Variants in NR3C2 observed in about 807,000 individuals in gnomAD.
NR3C2 encodes mineralocorticoid receptor.
Under a neutral mutation model 86.4 loss-of-function variants are expected in NR3C2, and 15 were observed. That is an observed-to-expected ratio of 0.17 (90% CI 0.12 to 0.27). The LOEUF is 0.27. Among genes scored for constraint, NR3C2 ranks in the 10% least tolerant of loss-of-function variants. NR3C2 has a pLI of 1.00. For missense variants in NR3C2, 960 were observed against 1,195.6 expected (o/e 0.80, Z 2.91); for synonymous variants, 458 against 450.5 (o/e 1.02, Z -0.21).
chr4:148,198,897 G>A (rs978058697), intron 3 of NR3C2, among the ~76,000 whole-genome samples: 1 of 151,312 alleles, frequency 6.6e-6, no homozygotes, highest in Non-Finnish European at 1.5e-5. Context: ...TGGCTAACAC[G>A]GTGACACCCC....
intron 6 of NR3C2, among the ~76,000 whole-genome samples, chr4:148,136,828 G>A (rs6823544): frequency 0.47 from 71,600 of 151,828 alleles, 17,887 homozygotes; most frequent in East Asian, 0.71. Context: ...CCTGTCATCC[G>A]TCATTTGTCT....
At chr4:148,113,197 G>T (rs1162643501) in intron 8 of NR3C2, among the ~76,000 whole-genome samples, 1 of 152,136 alleles carries the variant, frequency 6.6e-6, no homozygotes, top group Non-Finnish European at 1.5e-5. Flanking sequence ...TCTCCTTTCT[G>T]TATTGACACA....
At chr4:148,414,755 T>C (rs1381506424) in intron 2 of NR3C2, among the ~76,000 whole-genome samples, 3 of 152,204 alleles carry the variant, frequency 2.0e-5, no homozygotes, top group African/African-American at 7.2e-5. Flanking sequence ...GTGATAATTA[T>C]TTTTCCTTTA....
intron 8 of NR3C2, among the ~76,000 whole-genome samples, chr4:148,108,486 T>C (rs1731904824): frequency 6.6e-6 from 1 of 152,190 alleles, no homozygotes; most frequent in African/African-American, 2.4e-5. Context: ...TACCACCAGA[T>C]TTCTGTTCCT....
intron 2 of NR3C2, among the ~76,000 whole-genome samples, chr4:148,296,658 G>C (rs1019212758): frequency 6.6e-6 from 1 of 151,698 alleles, no homozygotes; most frequent in Middle Eastern, 3.4e-3. Flanking sequence ...TAAAGACAGG[G>C]GAACTGAATC....
At chr4:148,215,023 T>C (rs1737458492) in intron 3 of NR3C2, among the ~76,000 whole-genome samples, 1 of 152,166 alleles carries the variant, frequency 6.6e-6, no homozygotes, top group African/African-American at 2.4e-5. Context: ...AAGGAGTACA[T>C]TCTCCACCGA....
At chr4:148,338,547 A>T (rs1291436371) in intron 2 of NR3C2, among the ~76,000 whole-genome samples, 5 of 152,172 alleles carry the variant, frequency 3.3e-5, no homozygotes, top group African/African-American at 9.7e-5. Flanking sequence ...TCAAAAATCA[A>T]ATGATTATAG....
chr4:148,290,194 G>A (rs1741733623), intron 2 of NR3C2, among the ~76,000 whole-genome samples: 1 of 152,092 alleles, frequency 6.6e-6, no homozygotes, highest in African/African-American at 2.4e-5. Context: ...ATACACAGAG[G>A]ATGCACATGG....
chr4:148,305,877 C>A (rs1467845727), intron 2 of NR3C2, among the ~76,000 whole-genome samples: 1 of 152,160 alleles, frequency 6.6e-6, no homozygotes, highest in Non-Finnish European at 1.5e-5. Flanking sequence ...CCTGGCTGTT[C>A]CAGCTGCATT....
At chr4:148,087,377 C>T (rs1280724125) in intron 8 of NR3C2, among the ~76,000 whole-genome samples, 3 of 152,122 alleles carry the variant, frequency 2.0e-5, no homozygotes, top group Non-Finnish European at 4.4e-5. Context: ...ACTTTCTTCA[C>T]AGAATTAGAA....
At chr4:148,216,297 AATG>A (rs1012269777) in intron 3 of NR3C2, among the ~76,000 whole-genome samples, 38 of 152,278 alleles carry the variant, frequency 2.5e-4, no homozygotes, top group African/African-American at 9.1e-4. Flanking sequence ...GATCTAGGAT[AATG>A]ACCAAAGAAG....
chr4:148,110,870 T>C (rs1732017040), intron 8 of NR3C2, among the ~76,000 whole-genome samples: 3 of 152,110 alleles, frequency 2.0e-5, no homozygotes, highest in Non-Finnish European at 4.4e-5. Flanking sequence ...ACACAGGCTA[T>C]CAGTGAAGGA....
chr4:148,119,358 C>T (rs957111257), intron 7 of NR3C2, among the ~76,000 whole-genome samples: 3 of 152,214 alleles, frequency 2.0e-5, no homozygotes, highest in Non-Finnish European at 2.9e-5. Context: ...ATCCAACCTA[C>T]GACCCTTGCA....
chr4:148,286,293 GTC>G (rs1741514989), intron 2 of NR3C2, among the ~76,000 whole-genome samples: 1 of 152,082 alleles, frequency 6.6e-6, no homozygotes, highest in Non-Finnish European at 1.5e-5. Context: ...CTTTAAGCCA[GTC>G]TCTGCTGTCT....
At chr4:148,195,352 A>T (rs1736392901) in intron 3 of NR3C2, among the ~76,000 whole-genome samples, 1 of 152,274 alleles carries the variant, frequency 6.6e-6, no homozygotes, top group African/African-American at 2.4e-5. Context: ...AAAAAAAATC[A>T]GATGTGGGCA....
intron 2 of NR3C2, among the ~76,000 whole-genome samples, chr4:148,396,166 A>C (rs545570365): frequency 3.3e-5 from 5 of 152,366 alleles, no homozygotes; most frequent in African/African-American, 9.6e-5. Flanking sequence ...GCAAATGCTC[A>C]GCTCTCTGGA....
chr4:148,191,541 C>T (rs1451518562), intron 4 of NR3C2, among the ~76,000 whole-genome samples: 2 of 152,132 alleles, frequency 1.3e-5, no homozygotes, highest in Admixed American at 6.5e-5. Flanking sequence ...CCTGCAAGAC[C>T]GGGGAAGTTT....
rs1236673647 is a variant in NR3C2, at chr4:148,429,756, G to A, written c.1757+5348C>T. On this transcript the variant is annotated intron_variant, in intron 2 of 8. Transcript: ENST00000358102. ...ATTTAACATGCTTTTATTTTTCCTC[G>A]GTTTTCATTAATAAATGTTGGAATG... Among the ~76,000 whole-genome samples the A allele has an allele frequency of 3.3e-5, 5 of 151,992 alleles. No homozygotes were observed. The East Asian group carries it at 7.7e-4, about 23-fold the overall frequency.
At chr4:148,430,344 C>T (rs72645615) in intron 2 of NR3C2, among the ~76,000 whole-genome samples, 13 of 152,088 alleles carry the variant, frequency 8.5e-5, no homozygotes, top group East Asian at 5.8e-4. Context: ...TATAAACCTA[C>T]GATATTTGTG....
Sources: allele counts gnomAD v4.1 joint callset (sites outside exome capture counted in the v4.1 genomes callset), GRCh38; gene constraint gnomAD v4.1.1; transcripts MANE v1.5; gene names NCBI Gene and HGNC (gene_info 2026-07-23, HGNC 2026-07-21).